The following ASXL3 variants were observed in gnomAD, a reference collection of about 807,000 sequenced individuals.
ASXL3 encodes putative Polycomb group protein ASXL3.
A neutral mutation model predicts 170.6 loss-of-function variants in ASXL3; 34 were observed. The ratio of observed to expected loss-of-function variants is 0.20; its 90% CI spans 0.15 to 0.27. The LOEUF (loss-of-function observed/expected upper bound fraction) is 0.27, where lower values mean the gene tolerates loss of function less well. ASXL3 is among the 10% of genes least tolerant of loss of function. The probability of loss-of-function intolerance (pLI) is 1.00; values close to 1 mark genes in which losing one functional copy is unlikely to be tolerated. For synonymous variants in ASXL3, 1,002 were observed against 989.1 expected (o/e 1.01, Z -0.24); for missense variants, 2,592 against 2,695.3 (o/e 0.96, Z 0.85).
chr18:33,620,467 G>GGAAAGTACTGAACAAGAATACA (rs2065493635), intron 2 of ASXL3, among the ~76,000 whole-genome samples: 1 of 152,086 alleles, frequency 6.6e-6, no homozygotes, highest in African/African-American at 2.4e-5. Flanking sequence ...ACTACGAGAA[G>GGAAAGTACTGAACAAGAATACA]GAAAGTACTG....
At chr18:33,681,737 C>G (rs568076637) in intron 7 of ASXL3, among the ~76,000 whole-genome samples, 58 of 151,772 alleles carry the variant, frequency 3.8e-4, no homozygotes, top group African/African-American at 1.3e-3. Context: ...CAGTCATTAG[C>G]TATTCAAATA....
intron 2 of ASXL3, among the ~76,000 whole-genome samples, chr18:33,618,421 G>C (rs1358679256): frequency 6.6e-6 from 1 of 152,018 alleles, no homozygotes; most frequent in East Asian, 1.9e-4. Flanking sequence ...TATGCAGGGT[G>C]GTTAGTTGTC....
intron 8 of ASXL3, among the ~76,000 whole-genome samples, chr18:33,698,243 A>G (rs2066807665): frequency 6.6e-6 from 1 of 152,160 alleles, no homozygotes; most frequent in South Asian, 2.1e-4. Flanking sequence ...GGACACAGCA[A>G]CGTGGTGCCA....
chr18:33,693,761 G>A (rs1361291487), intron 8 of ASXL3, among the ~76,000 whole-genome samples: 1 of 152,130 alleles, frequency 6.6e-6, no homozygotes, highest in Non-Finnish European at 1.5e-5. Context: ...GGTAACACAT[G>A]TGCCAGAAGT....
At chr18:33,718,335 GAT>G (rs1412225747) in intron 8 of ASXL3, among the ~76,000 whole-genome samples, 1 of 152,118 alleles carries the variant, frequency 6.6e-6, no homozygotes, top group East Asian at 1.9e-4. Flanking sequence ...TCTCTCAACT[GAT>G]AAAGAAAGGA....
At chr18:33,717,306 T>C (rs771552454) in intron 8 of ASXL3, among the ~76,000 whole-genome samples, 1 of 152,158 alleles carries the variant, frequency 6.6e-6, no homozygotes, top group Non-Finnish European at 1.5e-5. Context: ...TTCTTAAATA[T>C]CATGATATCT....
intron 2 of ASXL3, among the ~76,000 whole-genome samples, chr18:33,639,111 A>G (rs2065811003): frequency 6.6e-6 from 1 of 152,162 alleles, no homozygotes. Flanking sequence ...GATGTTGGTT[A>G]CTATGGTTAG....
chr18:33,608,997 G>C, intron 2 of ASXL3: 1 of 982,402 alleles, frequency 1.0e-6, no homozygotes. Flanking sequence ...CTACGCTGGA[G>C]AAATAGCCTA....
chr18:33,652,333 A>G (rs745786877), intron 4 of ASXL3, among the ~76,000 whole-genome samples: 5 of 152,056 alleles, frequency 3.3e-5, no homozygotes, highest in Admixed American at 6.6e-5. Context: ...TGATACCATC[A>G]GTAGACAGTC....
At chr18:33,664,505 A>G (rs2145239665) in intron 5 of ASXL3, among the ~76,000 whole-genome samples, 1 of 152,352 alleles carries the variant, frequency 6.6e-6, no homozygotes. Context: ...TATTAGAAAT[A>G]TGTTGTGATT....
At position 33,739,211 on chromosome 18, in the gene ASXL3, T is replaced by A. The variant is rs752410632; in HGVS notation, c.1807T>A (p.Ser603Thr). ...ELQSDPEEQL[S>T]ENACISETSF... ...ACAGAGTGACCCTGAAGAACAGCTT[T>A]CAGAAAATGCCTGCATCTCTGAAAC... Residue 603 changes from serine (S) to threonine (T), a missense_variant, in exon 11 of 12, where the codon TCA becomes ACA. Coordinates refer to ENST00000269197, the MANE Select transcript of ASXL3 (RefSeq NM_030632.3). 1.9e-6 allele frequency: 3 copies of A among 1,613,858 alleles called. No homozygotes were observed. Among genetic ancestry groups the A allele is most frequent in the Non-Finnish European group, 2.5e-6 (3 of 1,179,836 alleles).
At chr18:33,578,835 C>A in intron 1 of ASXL3, 150 bp downstream of exon 1, 3 of 401,168 alleles carry the variant, frequency 7.5e-6, no homozygotes, top group Non-Finnish European at 1.1e-5. Flanking sequence ...CGGGAGTGGG[C>A]TCGCCCGGGG....
chr18:33,642,176 CTT>C (rs777124379), intron 2 of ASXL3, among the ~76,000 whole-genome samples: 24 of 151,772 alleles, frequency 1.6e-4, no homozygotes, highest in Middle Eastern at 3.4e-3. Context: ...TTACATAAGA[CTT>C]ATATTTATTT....
At chr18:33,581,724 G>T (rs1477723006) in intron 1 of ASXL3, among the ~76,000 whole-genome samples, 4 of 152,068 alleles carry the variant, frequency 2.6e-5, no homozygotes, top group Admixed American at 2.6e-4. Flanking sequence ...TGTAAACTCT[G>T]GAGTGGCAAC....
intron 2 of ASXL3, among the ~76,000 whole-genome samples, chr18:33,634,881 G>C (rs754573890): frequency 2.0e-5 from 3 of 152,156 alleles, no homozygotes; most frequent in Non-Finnish European, 4.4e-5. Flanking sequence ...GGTCCTCAAG[G>C]AGCTAGTTGC....
At chr18:33,579,335 G>A (rs189018960) in intron 1 of ASXL3, among the ~76,000 whole-genome samples, 1 of 152,184 alleles carries the variant, frequency 6.6e-6, no homozygotes, top group African/African-American at 2.4e-5. Context: ...TTCTGTGCAC[G>A]TGTGTGCAAT....
In ASXL3 at chr18:33,739,311, C is replaced by T. The variant is rs1239179982; in HGVS notation, c.1907C>T (p.Ser636Leu). The change falls in exon 11 of 12, where the codon TCA becomes TTA. Residue 636 changes from serine to leucine, a missense_variant. Coordinates refer to ENST00000269197, the MANE Select transcript of ASXL3 (RefSeq NM_030632.3). The part of the protein sequence containing the change: ...PSPGGETQST[S>L]EESCTPASLE... ...CCAGGAGGGGAAACACAGTCCACAT[C>T]AGAAGAATCATGTACTCCAGCCTCC... 5 of 1,613,382 alleles carry T rather than the reference C, an allele frequency of 3.1e-6. No homozygotes were observed. The highest frequency in any genetic ancestry group is 3.4e-6 in the Non-Finnish European group (4 of 1,179,662).
At chr18:33,668,077 CTAGT>C (rs758724636) in intron 5 of ASXL3, among the ~76,000 whole-genome samples, 9 of 152,170 alleles carry the variant, frequency 5.9e-5, no homozygotes, top group East Asian at 3.9e-4. Flanking sequence ...TACCCAGCAG[CTAGT>C]TAGTTAAATC....
chr18:33,651,849 A>G (rs776152500), intron 4 of ASXL3, among the ~76,000 whole-genome samples: 1 of 152,106 alleles, frequency 6.6e-6, no homozygotes, highest in Non-Finnish European at 1.5e-5. Flanking sequence ...ACATTCTTTT[A>G]AAATGGGAGA....
Sources: allele counts gnomAD v4.1 joint callset (sites outside exome capture counted in the v4.1 genomes callset), GRCh38; gene constraint gnomAD v4.1.1; transcripts MANE v1.5; gene names NCBI Gene and HGNC (gene_info 2026-07-23, HGNC 2026-07-21).